Variants in F13A1 observed in about 807,000 individuals in gnomAD.
F13A1 encodes coagulation factor XIII A chain, also known as FSF, A subunit.
A neutral mutation model predicts 80.1 loss-of-function variants in F13A1; 47 were observed. The observed-to-expected ratio is 0.59, with a 90% CI of 0.46 to 0.75. The LOEUF is 0.75. Ranked by LOEUF, F13A1 falls within the 30% of genes least tolerant of loss-of-function variation. F13A1 has a pLI of 0.00. For missense variants in F13A1, 817 were observed against 930.4 expected, an observed-to-expected ratio of 0.88 and a Z score of 1.59; for synonymous variants, 349 against 344.9, an observed-to-expected ratio of 1.01 and a Z score of -0.13.
intron 3 of F13A1, among the ~76,000 whole-genome samples, chr6:6,288,303 G>A (rs939236620): frequency 2.0e-5 from 3 of 152,160 alleles, no homozygotes; most frequent in African/African-American, 4.8e-5. Flanking sequence ...TGTACCCATT[G>A]ATCAACATCT....
intron 12 of F13A1, among the ~76,000 whole-genome samples, chr6:6,172,797 T>A (rs1347104831): frequency 6.6e-6 from 1 of 152,116 alleles, no homozygotes; most frequent in East Asian, 1.9e-4. Flanking sequence ...GCTGGGGAGA[T>A]TTGCTTCCTT....
At chr6:6,223,840 T>C (rs931661605) in intron 7 of F13A1, among the ~76,000 whole-genome samples, 1 of 152,160 alleles carries the variant, frequency 6.6e-6, no homozygotes, top group African/African-American at 2.4e-5. Flanking sequence ...TAAAAATTCT[T>C]TATTAATGAG....
chr6:6,319,849 T>C (rs1758746574), intron 1 of F13A1, among the ~76,000 whole-genome samples: 1 of 152,144 alleles, frequency 6.6e-6, no homozygotes, highest in Admixed American at 6.5e-5. Context: ...TAAGTATAGA[T>C]AAATATATTT....
intron 3 of F13A1, among the ~76,000 whole-genome samples, chr6:6,300,774 T>C (rs1484921034): frequency 2.0e-5 from 3 of 152,114 alleles, no homozygotes; most frequent in African/African-American, 7.2e-5. Context: ...CCCCCCGAGA[T>C]TCTTTTAAGT....
chr6:6,186,556 G>A (rs893625475), intron 10 of F13A1, among the ~76,000 whole-genome samples: 1 of 152,114 alleles, frequency 6.6e-6, no homozygotes, highest in African/African-American at 2.4e-5. Flanking sequence ...TATTTCTGAG[G>A]ACTCTGTTCT....
intron 3 of F13A1, among the ~76,000 whole-genome samples, chr6:6,283,892 C>T (rs9502429): frequency 0.59 from 89,590 of 152,036 alleles, 27,257 homozygotes; most frequent in African/African-American, 0.76. Flanking sequence ...GAACTAACTG[C>T]TGAGGAGCAG....
At chr6:6,181,888 C>A in intron 11 of F13A1, 100 bp downstream of exon 11, 3 of 1,328,978 alleles carry the variant, frequency 2.3e-6, no homozygotes, top group Non-Finnish European at 3.2e-6. Flanking sequence ...CCAAATGCTG[C>A]AAATGCCAGT....
chr6:6,256,922 A>G (rs1757711149), intron 4 of F13A1, among the ~76,000 whole-genome samples: 1 of 152,196 alleles, frequency 6.6e-6, no homozygotes, highest in Non-Finnish European at 1.5e-5. Context: ...ATGGTGCTAG[A>G]ACAGCTAACC....
At chr6:6,181,961 A>C (rs780992056) in intron 11 of F13A1, 27 bp downstream of exon 11, 1 of 1,613,576 alleles carries the variant, frequency 6.2e-7, no homozygotes, top group Non-Finnish European at 8.5e-7. Context: ...TGGGCAAATA[A>C]ATCTTCATTC....
chr6:6,304,011 T>A (rs957616300), intron 3 of F13A1, among the ~76,000 whole-genome samples: 7 of 152,202 alleles, frequency 4.6e-5, no homozygotes. Flanking sequence ...AAATATATAG[T>A]TTTACTTCTT....
At chr6:6,281,418 G>A (rs1052075649) in intron 3 of F13A1, among the ~76,000 whole-genome samples, 2 of 152,054 alleles carry the variant, frequency 1.3e-5, no homozygotes, top group African/African-American at 4.8e-5. Flanking sequence ...ACCAGCCATC[G>A]GATCCTGATT....
At chr6:6,300,346 T>TGCC (rs1396953743) in intron 3 of F13A1, among the ~76,000 whole-genome samples, 1 of 151,128 alleles carries the variant, frequency 6.6e-6, no homozygotes, top group Non-Finnish European at 1.5e-5. Flanking sequence ...CCAGCCTCTC[T>TGCC]GCCGCCTTGC....
chr6:6,155,689 C>T (rs932861688), intron 13 of F13A1, among the ~76,000 whole-genome samples: 9 of 152,112 alleles, frequency 5.9e-5, no homozygotes, highest in Admixed American at 2.0e-4. Context: ...GGAGGTGTCT[C>T]CCTCTCCTTG....
chr6:6,304,054 A>C (rs6924876), intron 3 of F13A1, among the ~76,000 whole-genome samples: 2,575 of 152,278 alleles, frequency 0.017, 67 homozygotes, highest in African/African-American at 0.058. Flanking sequence ...TGTATCTCTT[A>C]CATTGTTCAT....
intron 8 of F13A1, among the ~76,000 whole-genome samples, chr6:6,202,027 A>T (rs555360976): frequency 6.6e-6 from 1 of 152,140 alleles, no homozygotes; most frequent in Admixed American, 6.5e-5. Context: ...TATATATATA[A>T]AATCAAATCA....
At chr6:6,281,993 CAAAAAAAAAAAAA>C (rs10584369) in intron 3 of F13A1, among the ~76,000 whole-genome samples, 2 of 93,396 alleles carry the variant, frequency 2.1e-5, no homozygotes, top group South Asian at 3.8e-4. Context: ...GACTCCGTCT[CAAAAAAAAAAAAA>C]AAAAAAAAAA....
chr6:6,210,346 T>TATATATATATATATATATATATATATATA (rs1761583628), intron 8 of F13A1, among the ~76,000 whole-genome samples: 1 of 137,446 alleles, frequency 7.3e-6, no homozygotes, highest in African/African-American at 2.7e-5. Context: ...TATATATATA[T>TATATATATATATATATATATATATATATA]ATTTCTTTTT....
At chr6:6,170,334 C>T (rs1430812012) in intron 12 of F13A1, among the ~76,000 whole-genome samples, 1 of 152,152 alleles carries the variant, frequency 6.6e-6, no homozygotes, top group Non-Finnish European at 1.5e-5. Context: ...CCCCTTTCTT[C>T]TCTGAGGTAG....
intron 6 of F13A1, among the ~76,000 whole-genome samples, chr6:6,228,838 G>A (rs2113070125): frequency 6.6e-6 from 1 of 152,094 alleles, no homozygotes; most frequent in Non-Finnish European, 1.5e-5. Flanking sequence ...CCTTAAAAGA[G>A]GTAGAGATTC....
Sources: allele counts gnomAD v4.1 joint callset (sites outside exome capture counted in the v4.1 genomes callset), GRCh38; gene constraint gnomAD v4.1.1; transcripts MANE v1.5; gene names NCBI Gene and HGNC (gene_info 2026-07-23, HGNC 2026-07-21).